The following IKBKG variants were observed in gnomAD, a reference collection of about 807,000 sequenced individuals.
IKBKG encodes the protein NF-kappa-B essential modulator.
Under a neutral mutation model 13.7 loss-of-function variants are expected in IKBKG, and 2 were observed. That is an observed-to-expected ratio of 0.15 (90% CI 0.06 to 0.46). The LOEUF (loss-of-function observed/expected upper bound fraction) is 0.46, where lower values mean the gene tolerates loss of function less well. Among genes scored for constraint, IKBKG ranks in the 20% least tolerant of loss-of-function variants. IKBKG has a pLI of 0.98. For synonymous variants in IKBKG, 22 were observed against 64.4 expected (o/e 0.34, Z 3.15); for missense variants, 53 against 150.3 (o/e 0.35, Z 3.39).
At chrX:154,548,559 C>T (rs1407736625) in intron 1 of IKBKG, among the ~76,000 whole-genome samples, 1 of 112,015 alleles carries the variant, frequency 8.9e-6, no homozygotes, top group African/African-American at 3.2e-5. Flanking sequence ...TATAGTAAAT[C>T]TTTTTGGTTT....
intron 4 of IKBKG, 61 bp from the exon 5 acceptor site, chrX:154,560,346 G>GC (rs1265996363): frequency 9.1e-7 from 1 of 1,097,382 alleles, no homozygotes; most frequent in Admixed American, 2.7e-5. Context: ...CCCACGCCCT[G>GC]CGCATAGCCC....
Position 154,558,758 on chromosome X carries a change from G to C in IKBKG, c.518+108G>C, listed in dbSNP as rs2071081499. 3 of 134,092 alleles carry C rather than the reference G, an allele frequency of 2.2e-5. No individual in the cohort carries two copies. The East Asian group carries it at 8.0e-4, about 36-fold the overall frequency. 11.1% of individuals were successfully genotyped at this position (134,092 alleles called of 1,213,427 possible). On this transcript the variant is annotated intron_variant, in intron 4 of 9. Transcript: ENST00000594239. ...CCTTGATGAGGATAGACCGGGGCAGGCTGCGTAAAGACGTCGGGGCAGACG... is the reference window on the plus strand; with the variant it reads ...CCTTGATGAGGATAGACCGGGGCAGCCTGCGTAAAGACGTCGGGGCAGACG...
At chrX:154,541,987 CCCAGCTGGTTCCTGGCCACTGGGG>C (rs1476987868) in intron 1 of IKBKG, among the ~76,000 whole-genome samples, 1 of 112,011 alleles carries the variant, frequency 8.9e-6, no homozygotes, top group African/African-American at 3.2e-5. Flanking sequence ...TTGGCAGGGG[CCCAGCTGGTTCCTGGCCACTGGGG>C]CCAGAGAACC....
At chrX:154,544,372 G>C (rs1194832608), upstream of IKBKG, among the ~76,000 whole-genome samples, 1 of 110,505 alleles carries the variant, frequency 9.0e-6, no homozygotes, top group African/African-American at 3.3e-5. Context: ...ATGTTGGCCA[G>C]GATGGTCTCG....
chrX:154,546,964 G>A (rs1223885860), upstream of IKBKG: 3 of 315,693 alleles, frequency 9.5e-6, no homozygotes, highest in African/African-American at 2.8e-5. Context: ...CCCCTCGTGC[G>A]GGCGGGGCGG....
In IKBKG at chrX:154,552,096, C is replaced by T. The variant is rs2070948768; in HGVS notation, c.94C>T (p.Pro32Ser). 2 of 1,196,869 alleles carry T rather than the reference C, an allele frequency of 1.7e-6. No individual in the cohort carries two copies. The highest frequency in any genetic ancestry group is 2.3e-6 in the Non-Finnish European group (2 of 884,770). Residue 32 changes from proline to serine, a missense_variant, in exon 2 of 10, where the codon CCT becomes TCT. Physicochemically the swap from Pro to Ser is moderately conservative, Grantham distance 74. Transcript: ENST00000594239. ...ADQDVLGEES[P>S]LGKPAMLHLP... ...TCAGGACGTACTGGGCGAAGAGTCT[C>T]CTCTGGGGAAGCCAGCCATGCTGCA...
intron 1 of IKBKG, among the ~76,000 whole-genome samples, chrX:154,548,334 G>A (rs1347947268): frequency 1.8e-5 from 2 of 111,392 alleles, no homozygotes; most frequent in East Asian, 2.8e-4. Context: ...AAGGCAACGG[G>A]GATCCATGGT....
At chrX:154,542,877 G>A (rs1310020773), upstream of IKBKG, among the ~76,000 whole-genome samples, 1 of 112,101 alleles carries the variant, frequency 8.9e-6, no homozygotes, top group Non-Finnish European at 1.9e-5. Context: ...CTTACTTGCC[G>A]TGGTTCCCTG....
upstream of IKBKG, among the ~76,000 whole-genome samples, chrX:154,544,223 G>A (rs1294755570): frequency 9.3e-6 from 1 of 107,818 alleles, no homozygotes; most frequent in Non-Finnish European, 1.9e-5. Context: ...GTGCAGTGGC[G>A]CGATCTCAGC....
upstream of IKBKG, among the ~76,000 whole-genome samples, chrX:154,543,869 ATTTT>A (rs1306269568): frequency 1.2e-5 from 1 of 83,658 alleles, no homozygotes. Flanking sequence ...AATTTTTGTT[ATTTT>A]TTTTTTTTTT....
At chrX:154,555,098 C>G (rs1392519526) in intron 2 of IKBKG, among the ~76,000 whole-genome samples, 1 of 111,589 alleles carries the variant, frequency 9.0e-6, no homozygotes, top group African/African-American at 3.3e-5. Flanking sequence ...CGTTTGTTTT[C>G]TGCTTCCTCG....
rs2070786593 is a variant in IKBKG, at chrX:154,547,653, C to T, written c.-108C>T. On this transcript the variant is annotated 5_prime_UTR_variant, in exon 1 of 10. Transcript: ENST00000594239. ...GAAGCGTGGTAGGGAAGGGCGACCG[C>T]GAAACTGGGACTTTCTCGGAGCGCC... is the stretch of plus-strand genomic sequence containing the variant. The T allele has an allele frequency of 2.7e-6, 2 of 753,860 alleles. No homozygotes were observed. Among genetic ancestry groups the T allele is most frequent in the African/African-American group, 2.3e-5 (1 of 43,597 alleles). The allele number at this position is 753,860 out of a possible 1,213,427, so 62.1% of individuals were successfully genotyped here.
chrX:154,543,113 G>C (rs782564442), upstream of IKBKG, among the ~76,000 whole-genome samples: 3 of 111,960 alleles, frequency 2.7e-5, no homozygotes, highest in Admixed American at 2.8e-4. Flanking sequence ...TGCTGCCTGA[G>C]CACGCCACCT....
At chrX:154,545,701 G>A (rs781914400), upstream of IKBKG, 9 of 235,260 alleles carry the variant, frequency 3.8e-5, no homozygotes, top group African/African-American at 8.8e-5. Context: ...CGGGTGTGGT[G>A]GTGCATGCCT....
At chrX:154,542,316 C>T (rs781937245) in exon 2 of IKBKG, 45 of 1,181,684 alleles carry the variant, frequency 3.8e-5, no homozygotes, top group Middle Eastern at 2.3e-4. Flanking sequence ...GTGAGGACCC[C>T]GCAGACTATC....
intron 1 of IKBKG, 36 bp from the exon 2 acceptor site, chrX:154,551,952 G>T: frequency 2.0e-6 from 2 of 1,005,724 alleles, no homozygotes; most frequent in Non-Finnish European, 2.6e-6. Flanking sequence ...AAGGATGTGG[G>T]TCTCCTGTGA....
At chrX:154,553,655 C>T (rs1557235521) in intron 2 of IKBKG, among the ~76,000 whole-genome samples, 1 of 112,749 alleles carries the variant, frequency 8.9e-6, no homozygotes, top group African/African-American at 3.2e-5. Flanking sequence ...GGAGAATTCT[C>T]TTGTACGTTG....
At chrX:154,549,417 A>G (rs1333255662) in intron 1 of IKBKG, among the ~76,000 whole-genome samples, 2 of 107,488 alleles carry the variant, frequency 1.9e-5, no homozygotes, top group Admixed American at 9.9e-5. Flanking sequence ...GATTACAGGC[A>G]TGCACCATCA....
intron 1 of IKBKG, chrX:154,542,275 G>A (rs781995807): frequency 8.7e-7 from 1 of 1,142,904 alleles, no homozygotes; most frequent in Admixed American, 2.6e-5. Context: ...TGGCCCTTGT[G>A]ATCCAGGTGG....
Sources: gnomAD v4.1 joint callset for allele counts (sites outside exome capture counted in the v4.1 genomes callset) on GRCh38, gnomAD v4.1.1 for gene constraint, MANE v1.5 for transcripts, NCBI Gene and HGNC (gene_info 2026-07-23, HGNC 2026-07-21) for gene names.